Variants in LRCH1 observed in about 807,000 individuals in gnomAD.
LRCH1 encodes leucine-rich repeat and calponin homology domain-containing protein 1.
LRCH1 carries 23 observed loss-of-function variants against 94.9 expected under a neutral mutation model. The observed-to-expected ratio is 0.24, with a 90% CI of 0.17 to 0.34. The LOEUF is 0.34. Among genes scored for constraint, LRCH1 ranks in the 10% least tolerant of loss-of-function variants. LRCH1 has a pLI of 1.00. For missense variants in LRCH1, 790 were observed against 945.9 expected (o/e 0.84, Z 2.16); for synonymous variants, 364 against 354.9 (o/e 1.03, Z -0.29).
chr13:46,612,426 A>G (rs529170085), intron 1 of LRCH1, among the ~76,000 whole-genome samples: 1 of 152,350 alleles, frequency 6.6e-6, no homozygotes, highest in South Asian at 2.1e-4. Context: ...TGTATAAGCA[A>G]GAAGTAACTT....
chr13:46,642,677 C>G (rs7999058), intron 1 of LRCH1, among the ~76,000 whole-genome samples: 90,028 of 152,068 alleles, frequency 0.59, 26,654 homozygotes, highest in South Asian at 0.68. Context: ...CCCAAATCAG[C>G]TTATTTCTCA....
chr13:46,713,678 C>T (rs1872182670), intron 15 of LRCH1, among the ~76,000 whole-genome samples: 1 of 152,166 alleles, frequency 6.6e-6, no homozygotes, highest in Non-Finnish European at 1.5e-5. Flanking sequence ...TGAAATAAAA[C>T]TCAAATGGCT....
chr13:46,588,924 T>A (rs994915220), intron 1 of LRCH1, among the ~76,000 whole-genome samples: 5 of 152,060 alleles, frequency 3.3e-5, no homozygotes, highest in African/African-American at 1.2e-4. Flanking sequence ...TCTCTATTTG[T>A]GTGTGTATAT....
chr13:46,750,379 C>A (rs1874076117), intron 18 of LRCH1, among the ~76,000 whole-genome samples: 1 of 152,066 alleles, frequency 6.6e-6, no homozygotes, highest in Non-Finnish European at 1.5e-5. Flanking sequence ...TAGAAAAGGT[C>A]TTTGCAGTAG....
intron 10 of LRCH1, among the ~76,000 whole-genome samples, chr13:46,700,820 G>A (rs1019692284): frequency 7.9e-5 from 12 of 152,172 alleles, no homozygotes; most frequent in African/African-American, 1.9e-4. Context: ...AAGCACAACG[G>A]TGAAAGCCTC....
rs903301560 is a variant in LRCH1 at position 46,738,328 on chromosome 13, A to G, written c.2086-3314A>G. Among the ~76,000 whole-genome samples the G allele has an allele frequency of 3.9e-4, 59 of 152,250 alleles. 1 individual carries two copies. Among genetic ancestry groups the G allele is most frequent in the African/African-American group, 1.4e-3 (58 of 41,470 alleles). Reference sequence around the variant, plus strand: ...GGAGTTACAAATAAAACCCTAAAGTACATTCAGATGCTAATGATGATTGTG... The same window carrying G: ...GGAGTTACAAATAAAACCCTAAAGTGCATTCAGATGCTAATGATGATTGTG... On this transcript the variant is annotated intron_variant, in intron 19 of 19. Coordinates refer to ENST00000389797, the MANE Select transcript of LRCH1 (RefSeq NM_001164211.2).
At chr13:46,718,411 T>A (rs1872431869) in intron 16 of LRCH1, among the ~76,000 whole-genome samples, 1 of 152,224 alleles carries the variant, frequency 6.6e-6, no homozygotes, top group African/African-American at 2.4e-5. Flanking sequence ...CTCTTAACTC[T>A]GGTTTTATAT....
intron 1 of LRCH1, among the ~76,000 whole-genome samples, chr13:46,599,308 T>C (rs1432838953): frequency 1.3e-5 from 2 of 152,254 alleles, no homozygotes; most frequent in Non-Finnish European, 1.5e-5. Flanking sequence ...TGAACGTGGG[T>C]TTGCAAATAT....
intron 1 of LRCH1, among the ~76,000 whole-genome samples, chr13:46,610,479 C>CT (rs908044702): frequency 2.0e-5 from 3 of 147,630 alleles, no homozygotes; most frequent in African/African-American, 7.5e-5. Context: ...AAGATAATAT[C>CT]TTTTTTTCCT....
rs1228918262 is a variant in LRCH1, at chr13:46,743,444, C to G, written c.*1596C>G. 2 of 985,756 alleles carry G rather than the reference C, an allele frequency of 2.0e-6. No individual in the cohort carries two copies. The highest frequency in any genetic ancestry group is 4.7e-5 in the South Asian group (1 of 21,280). The allele number at this position is 985,756 out of a possible 1,614,324, so 61.1% of individuals were successfully genotyped here. A position where few individuals can be genotyped will look rare whatever the true frequency, so the allele number is the denominator to read the frequency against. ...GGGTATGTGGAAGTTATCTAATTAA[C>G]CTCAGTTGTATATGAATAACCCACA... On this transcript the variant is annotated 3_prime_UTR_variant, in exon 20 of 20. Coordinates refer to ENST00000389797, the MANE Select transcript of LRCH1 (RefSeq NM_001164211.2).
chr13:46,629,748 C>A (rs2050996695), intron 1 of LRCH1, among the ~76,000 whole-genome samples: 1 of 152,184 alleles, frequency 6.6e-6, no homozygotes, highest in Non-Finnish European at 1.5e-5. Flanking sequence ...CATGTCACTT[C>A]CTACGAATAT....
At chr13:46,676,237 G>T (rs2051671664) in intron 3 of LRCH1, among the ~76,000 whole-genome samples, 1 of 151,952 alleles carries the variant, frequency 6.6e-6, no homozygotes, top group Non-Finnish European at 1.5e-5. Context: ...CTCCAGCCTG[G>T]GTGACAGAGA....
chr13:46,714,510 G>A (rs1260100864), intron 15 of LRCH1, among the ~76,000 whole-genome samples: 1 of 152,134 alleles, frequency 6.6e-6, no homozygotes, highest in East Asian at 1.9e-4. Flanking sequence ...TATTTTGAAA[G>A]TATGTGGATT....
At chr13:46,658,765 G>A (rs1300153341) in intron 2 of LRCH1, among the ~76,000 whole-genome samples, 1 of 152,200 alleles carries the variant, frequency 6.6e-6, no homozygotes, top group African/African-American at 2.4e-5. Flanking sequence ...ACAGGCGTGA[G>A]CCACCACACC....
At chr13:46,586,174 A>G (rs2050433190) in intron 1 of LRCH1, among the ~76,000 whole-genome samples, 3 of 152,348 alleles carry the variant, frequency 2.0e-5, no homozygotes, top group African/African-American at 2.4e-5. Flanking sequence ...TGGATGACAC[A>G]AAGTAAATGA....
intron 7 of LRCH1, among the ~76,000 whole-genome samples, chr13:46,690,907 C>T (rs1212548245): frequency 6.6e-6 from 1 of 152,182 alleles, no homozygotes; most frequent in Non-Finnish European, 1.5e-5. Context: ...AGGGATCACA[C>T]CTCATTCTTT....
chr13:46,558,897 C>T lies in LRCH1; in HGVS notation c.307+5194C>T, dbSNP rs73484199. Reference sequence around the variant, plus strand: ...CTTATGACCCTTTAATTGAGGACTCCGGAAATGGCTGAAGCCTAGGATTTG... The same window carrying T: ...CTTATGACCCTTTAATTGAGGACTCTGGAAATGGCTGAAGCCTAGGATTTG... On this transcript the variant is annotated intron_variant, in intron 1 of 19. Transcript: ENST00000389797. Among the ~76,000 whole-genome samples, 942 of 152,280 alleles carry T rather than the reference C, an allele frequency of 6.2e-3. 11 individuals carry two copies. The highest frequency in any genetic ancestry group is 0.022 in the African/African-American group (896 of 41,538).
chr13:46,633,099 T>G (rs1375281672), intron 1 of LRCH1, among the ~76,000 whole-genome samples: 1 of 152,206 alleles, frequency 6.6e-6, no homozygotes, highest in Non-Finnish European at 1.5e-5. Flanking sequence ...TCACAAAAAA[T>G]GTCTTTCTTA....
At chr13:46,568,254 G>C (rs1421890897) in intron 1 of LRCH1, among the ~76,000 whole-genome samples, 2 of 152,170 alleles carry the variant, frequency 1.3e-5, no homozygotes, top group Non-Finnish European at 2.9e-5. Flanking sequence ...GGGACAGTCT[G>C]GGTTTATAAC....
Sources: gnomAD v4.1 joint callset for allele counts (sites outside exome capture counted in the v4.1 genomes callset) on GRCh38, gnomAD v4.1.1 for gene constraint, MANE v1.5 for transcripts, NCBI Gene and HGNC (gene_info 2026-07-23, HGNC 2026-07-21) for gene names.